SLC35D2: variants seen among roughly 807,000 people sequenced by gnomAD.
SLC35D2 encodes the protein solute carrier family 35 member D2.
SLC35D2 carries 43 observed loss-of-function variants against 41.8 expected under a neutral mutation model. The ratio of observed to expected loss-of-function variants is 1.03; its 90% CI spans 0.81 to 1.33. SLC35D2 has a LOEUF of 1.33. Among genes scored for constraint, SLC35D2 ranks in the 40% most tolerant of loss-of-function variants. The probability of loss-of-function intolerance (pLI) is 0.00; values close to 1 mark genes in which losing one functional copy is unlikely to be tolerated. For missense variants in SLC35D2, 380 were observed against 408.4 expected, an observed-to-expected ratio of 0.93 and a Z score of 0.60; for synonymous variants, 150 against 163.9, an observed-to-expected ratio of 0.92 and a Z score of 0.65.
Position 96,371,474 on chromosome 9 carries a change from CAAAAAAAAAAAAAAA to C in SLC35D2, c.159-3184_159-3170del, listed in dbSNP as rs539576375. ...TGGGTGACAGAGCGAGACTCTGTCTCAAAAAAAAAAAAAAAAAAAAAAAAAAAAAAAATTTAAACA... is the reference window on the plus strand; with the variant it reads ...TGGGTGACAGAGCGAGACTCTGTCTCAAAAAAAAAAAAAAAAATTTAAACA... On this transcript the variant is annotated intron_variant, in intron 1 of 11. Coordinates refer to ENST00000253270, the MANE Select transcript of SLC35D2 (RefSeq NM_007001.3). Among the ~76,000 whole-genome samples, 70 of 46,652 alleles carry C rather than the reference CAAAAAAAAAAAAAAA, an allele frequency of 1.5e-3. 4 individuals are homozygous for C. Among genetic ancestry groups the C allele is most frequent in the Middle Eastern group, 0.017 (1 of 60 alleles). The allele number at this position is 46,652 out of a possible 152,430, so 30.6% of individuals were successfully genotyped here.
At chr9:96,372,105 G>A (rs574386959) in intron 1 of SLC35D2, among the ~76,000 whole-genome samples, 3 of 152,272 alleles carry the variant, frequency 2.0e-5, no homozygotes, top group South Asian at 2.1e-4. Context: ...AGCATGACCC[G>A]AGCTGTGGCC....
downstream of SLC35D2, among the ~76,000 whole-genome samples, chr9:96,319,388 T>C (rs1374332041): frequency 2.0e-5 from 3 of 152,208 alleles, no homozygotes; most frequent in African/African-American, 7.2e-5. Context: ...GTTTCGGTTT[T>C]GCAAGATGAA....
At chr9:96,322,418 C>A (rs34695002) in intron 10 of SLC35D2, among the ~76,000 whole-genome samples, 1 of 152,060 alleles carries the variant, frequency 6.6e-6, no homozygotes, top group African/African-American at 2.4e-5. Context: ...CTACTCCACA[C>A]GGACTGAAGT....
intron 9 of SLC35D2, among the ~76,000 whole-genome samples, chr9:96,332,420 C>T (rs545286937): frequency 4.9e-4 from 75 of 152,188 alleles, no homozygotes; most frequent in Admixed American, 2.0e-3. Context: ...CTGAAAAAGC[C>T]GCCATGCCAA....
At chr9:96,362,438 T>C (rs531835975) in intron 3 of SLC35D2, among the ~76,000 whole-genome samples, 5 of 151,502 alleles carry the variant, frequency 3.3e-5, no homozygotes, top group East Asian at 1.9e-4. Flanking sequence ...ACCCAGGAGG[T>C]AGAGTTTGCA....
At chr9:96,338,805 T>C (rs1474743341) in intron 8 of SLC35D2, among the ~76,000 whole-genome samples, 1 of 152,046 alleles carries the variant, frequency 6.6e-6, no homozygotes, top group Non-Finnish European at 1.5e-5. Context: ...AGCCAAAAAG[T>C]TTATGCTTAA....
chr9:96,368,366 T>C lies in SLC35D2; in HGVS notation c.159-61A>G, dbSNP rs1196533741. ...AATATAAAACTCTGAAGATAGTACA[T>C]AATAAATAATGACAAGTTATTAAAC... On this transcript the variant is annotated intron_variant, in intron 1 of 11. Coordinates refer to ENST00000253270, the MANE Select transcript of SLC35D2 (RefSeq NM_007001.3). 3.3e-6 allele frequency: 4 copies of C among 1,207,830 alleles called. No individual in the cohort carries two copies. The South Asian group carries it at 4.1e-5, about 12-fold the overall frequency. The allele number at this position is 1,207,830 out of a possible 1,614,324, so 74.8% of individuals were successfully genotyped here.
At chr9:96,336,609 T>C (rs1342449972) in intron 9 of SLC35D2, 108 bp downstream of exon 9, 1 of 743,408 alleles carries the variant, frequency 1.3e-6, no homozygotes, top group East Asian at 2.7e-5. Flanking sequence ...CCAGAGAAAG[T>C]CAGAGAAACA....
At chr9:96,356,864 G>A (rs1327903926) in intron 4 of SLC35D2, among the ~76,000 whole-genome samples, 1 of 150,720 alleles carries the variant, frequency 6.6e-6, no homozygotes, top group Non-Finnish European at 1.5e-5. Context: ...GACAGAGCAA[G>A]ACCCTGTCTC....
chr9:96,324,549 C>CTTTTTTTTTTTTTTTTTTTTTTTTTT lies in SLC35D2; in HGVS notation c.753-381_753-380insAAAAAAAAAAAAAAAAAAAAAAAAAA, dbSNP rs57775451. Among the ~76,000 whole-genome samples the CTTTTTTTTTTTTTTTTTTTTTTTTTT allele has an allele frequency of 2.7e-3, 318 of 117,668 alleles. 17 individuals are homozygous for CTTTTTTTTTTTTTTTTTTTTTTTTTT. The highest frequency in any genetic ancestry group is 0.013 in the East Asian group (40 of 3,174). The allele number at this position is 117,668 out of a possible 152,430, so 77.2% of individuals were successfully genotyped here. ...CTGTGCCTCAGAATCGCCTGCTGCACTTTTTTTTTTTTTTTTTGGTGGGGA... is the reference window on the plus strand; with the variant it reads ...CTGTGCCTCAGAATCGCCTGCTGCACTTTTTTTTTTTTTTTTTTTTTTTTTTTTTTTTTTTTTTTTTTTGGTGGGGA... On this transcript the variant is annotated intron_variant, in intron 9 of 11. Transcript: ENST00000253270.
intron 3 of SLC35D2, among the ~76,000 whole-genome samples, chr9:96,361,415 G>A (rs899571450): frequency 3.9e-5 from 6 of 152,250 alleles, no homozygotes; most frequent in Admixed American, 6.5e-5. Flanking sequence ...GGCCAGGCAC[G>A]GTGGCTCACA....
chr9:96,358,732 TAA>T (rs1375406783), intron 4 of SLC35D2, among the ~76,000 whole-genome samples: 1 of 152,196 alleles, frequency 6.6e-6, no homozygotes, highest in Non-Finnish European at 1.5e-5. Flanking sequence ...CTCATGCCTG[TAA>T]TCCAAGTACT....
chr9:96,381,560 C>T (rs947291481), intron 1 of SLC35D2, among the ~76,000 whole-genome samples: 6 of 152,156 alleles, frequency 3.9e-5, no homozygotes, highest in Non-Finnish European at 8.8e-5. Flanking sequence ...CATACTCTCC[C>T]CTCCCTCTCT....
chr9:96,338,226 A>C (rs547234615), intron 8 of SLC35D2, among the ~76,000 whole-genome samples: 22 of 152,290 alleles, frequency 1.4e-4, no homozygotes, highest in African/African-American at 5.3e-4. Context: ...TTTGTTAGCC[A>C]AGTTTTAGAA....
intron 8 of SLC35D2, among the ~76,000 whole-genome samples, chr9:96,342,260 G>A (rs1832852969): frequency 6.6e-6 from 1 of 151,850 alleles, no homozygotes; most frequent in Non-Finnish European, 1.5e-5. Context: ...ACAGGCACCC[G>A]CCACCATGCC....
At chr9:96,351,042 G>A in intron 6 of SLC35D2, 61 bp downstream of exon 6, 1 of 1,231,452 alleles carries the variant, frequency 8.1e-7, no homozygotes, top group Non-Finnish European at 1.2e-6. Context: ...CTGAGGATGG[G>A]GCTGGGCCTA....
intron 1 of SLC35D2, among the ~76,000 whole-genome samples, chr9:96,378,297 A>G (rs1831041646): frequency 6.6e-6 from 1 of 151,552 alleles, no homozygotes; most frequent in Non-Finnish European, 1.5e-5. Context: ...GCTGGGCACG[A>G]TGGTGTGCAC....
intron 4 of SLC35D2, chr9:96,357,451 T>C (rs1445560608): frequency 2.0e-5 from 3 of 152,054 alleles, no homozygotes. Context: ...TGGAGAATCA[T>C]TTGAGCCCAG....
intron 6 of SLC35D2, 150 bp from the exon 7 acceptor site, chr9:96,345,551 T>C (rs550548567): frequency 1.6e-6 from 1 of 627,528 alleles, no homozygotes; most frequent in Admixed American, 3.3e-5. Context: ...TTCCTCTGCT[T>C]TGCCTCCAGA....
Sources: allele counts gnomAD v4.1 joint callset (sites outside exome capture counted in the v4.1 genomes callset), GRCh38; gene constraint gnomAD v4.1.1; transcripts MANE v1.5; gene names NCBI Gene and HGNC (gene_info 2026-07-23, HGNC 2026-07-21).